The following SRBD1 variants were observed in gnomAD, a reference collection of about 807,000 sequenced individuals.
SRBD1 encodes the protein S1 RNA-binding domain-containing protein 1.
Under a neutral mutation model 115.3 loss-of-function variants are expected in SRBD1, and 88 were observed. The observed-to-expected ratio is 0.76, with a 90% confidence interval of 0.64 to 0.91. SRBD1 has a LOEUF of 0.91. Ranked by LOEUF, SRBD1 falls within the 40% of genes least tolerant of loss-of-function variation. The pLI is 0.00. For missense variants in SRBD1, 1,385 were observed against 1,177.4 expected, an observed-to-expected ratio of 1.18 and a Z score of -2.58; for synonymous variants, 509 against 407.7, an observed-to-expected ratio of 1.25 and a Z score of -2.99.
intron 14 of SRBD1, among the ~76,000 whole-genome samples, chr2:45,519,409 G>C (rs1393194298): frequency 6.6e-6 from 1 of 152,066 alleles, no homozygotes; most frequent in Non-Finnish European, 1.5e-5. Context: ...CTAAAGTAAA[G>C]AAACAAAAAG....
At chr2:45,524,995 G>A (rs971986918) in intron 14 of SRBD1, among the ~76,000 whole-genome samples, 14 of 151,834 alleles carry the variant, frequency 9.2e-5, no homozygotes, top group African/African-American at 1.7e-4. Flanking sequence ...ACATGTCTAC[G>A]GTCAACTGAT....
chr2:45,578,674 A>C (rs1384384271), intron 7 of SRBD1, among the ~76,000 whole-genome samples: 1 of 152,202 alleles, frequency 6.6e-6, no homozygotes, highest in East Asian at 1.9e-4. Context: ...TGGGATCCAC[A>C]GAAGGACAAA....
At chr2:45,550,555 A>G (rs1672264884) in intron 12 of SRBD1, among the ~76,000 whole-genome samples, 1 of 152,148 alleles carries the variant, frequency 6.6e-6, no homozygotes, top group African/African-American at 2.4e-5. Flanking sequence ...CTTGAATTCT[A>G]CACCAAGCAA....
chr2:45,435,760 T>A (rs1360836972), intron 16 of SRBD1, among the ~76,000 whole-genome samples: 1 of 152,106 alleles, frequency 6.6e-6, no homozygotes, highest in Non-Finnish European at 1.5e-5. Flanking sequence ...AGGATTACAC[T>A]ACCCCCACCC....
At chr2:45,525,577 T>C (rs1418120956) in intron 14 of SRBD1, among the ~76,000 whole-genome samples, 1 of 151,736 alleles carries the variant, frequency 6.6e-6, no homozygotes, top group Non-Finnish European at 1.5e-5. Context: ...ATGCTGAGAG[T>C]GGATATAAAG....
chr2:45,509,796 G>A (rs1006485652), intron 14 of SRBD1, among the ~76,000 whole-genome samples: 8 of 151,994 alleles, frequency 5.3e-5, no homozygotes, highest in African/African-American at 1.5e-4. Context: ...GTGCAGTGGC[G>A]CAGTCTCAGC....
At position 45,520,300 on chromosome 2, in the gene SRBD1, AGGAT is replaced by A. The variant is rs773909696; in HGVS notation, c.1874+26428_1874+26431del. Among the ~76,000 whole-genome samples, 66 of 152,304 alleles carry A rather than the reference AGGAT, an allele frequency of 4.3e-4. 1 individual carries two copies. Among genetic ancestry groups the A allele is most frequent in the Admixed American group, 2.0e-3 (31 of 15,288 alleles). On this transcript the variant is annotated intron_variant, in intron 14 of 20. Transcript: ENST00000263736. ...TAAAGCTATCAATCTGGTTCTAGTG[AGGAT>A]GATCCAGAAGAGACCCTCCTCCAAA...
intron 20 of SRBD1, among the ~76,000 whole-genome samples, chr2:45,390,623 T>C (rs1666969344): frequency 6.6e-6 from 1 of 152,166 alleles, no homozygotes; most frequent in African/African-American, 2.4e-5. Flanking sequence ...GATCTCCTTT[T>C]ACTAAGGCCT....
chr2:45,523,051 G>C (rs1382785139), intron 14 of SRBD1, among the ~76,000 whole-genome samples: 1 of 151,732 alleles, frequency 6.6e-6, no homozygotes, highest in African/African-American at 2.4e-5. Context: ...TGATATAAAG[G>C]ATACTCAACA....
chr2:45,462,610 G>A (rs1382963381), intron 16 of SRBD1, among the ~76,000 whole-genome samples: 5 of 149,684 alleles, frequency 3.3e-5, no homozygotes, highest in East Asian at 2.0e-4. Context: ...AGAGGAGATC[G>A]AAACCATCCT....
At chr2:45,607,199 T>A (rs1252828991) in intron 1 of SRBD1, among the ~76,000 whole-genome samples, 1 of 152,226 alleles carries the variant, frequency 6.6e-6, no homozygotes, top group Non-Finnish European at 1.5e-5. Context: ...CAGGTAATTG[T>A]GATTTTTATA....
At chr2:45,601,259 A>C (rs1183996617) in intron 3 of SRBD1, among the ~76,000 whole-genome samples, 4 of 152,240 alleles carry the variant, frequency 2.6e-5, no homozygotes, top group African/African-American at 7.2e-5. Flanking sequence ...ATGCTCATCA[A>C]GTAAATTTCT....
chr2:45,409,432 C>T (rs1372313099), intron 19 of SRBD1, among the ~76,000 whole-genome samples: 1 of 148,814 alleles, frequency 6.7e-6, no homozygotes, highest in Non-Finnish European at 1.5e-5. Context: ...GAACCATGGC[C>T]CAAAGTTGAG....
intron 19 of SRBD1, among the ~76,000 whole-genome samples, chr2:45,401,124 G>C (rs111410433): frequency 8.1e-4 from 123 of 152,208 alleles, no homozygotes; most frequent in African/African-American, 2.6e-3. Context: ...TTGGGAACTA[G>C]AGTAAGATGC....
rs1231900919 is a variant in SRBD1, at chr2:45,599,563, C to T, written c.534G>A (p.Gln178=). ...CAGTCTTGATTTTCTTTAAAGCGGA[C>T]TGACCAAATGTAAAGTCATCGTCAT... ...EENDDDFTFG[Q]SALKKIKTET... The change falls in exon 4 of 21, where the codon CAG becomes CAA. Residue 178 remains glutamine (Q), a synonymous_variant. Coordinates refer to ENST00000263736, the MANE Select transcript of SRBD1 (RefSeq NM_018079.5). 3 of 1,614,230 alleles carry T rather than the reference C, an allele frequency of 1.9e-6. No homozygotes were observed. Among genetic ancestry groups the T allele is most frequent in the African/African-American group, 1.3e-5 (1 of 75,058 alleles).
chr2:45,610,278 G>GA (rs1033125005), intron 1 of SRBD1, among the ~76,000 whole-genome samples: 7 of 151,270 alleles, frequency 4.6e-5, no homozygotes, highest in South Asian at 2.1e-4. Context: ...ATTAAAATTG[G>GA]AAAAAAAAAT....
intron 19 of SRBD1, among the ~76,000 whole-genome samples, chr2:45,398,721 T>C (rs1317225386): frequency 2.0e-5 from 3 of 150,370 alleles, no homozygotes; most frequent in Non-Finnish European, 3.0e-5. Flanking sequence ...TGATCATCTT[T>C]TCAGAAATAG....
intron 10 of SRBD1, among the ~76,000 whole-genome samples, chr2:45,558,415 C>T (rs1454889550): frequency 6.6e-6 from 1 of 152,302 alleles, no homozygotes; most frequent in East Asian, 1.9e-4. Flanking sequence ...ACTATTTCAG[C>T]ATCTAAAAAG....
At chr2:45,423,596 T>C (rs1668069049) in intron 16 of SRBD1, among the ~76,000 whole-genome samples, 1 of 152,060 alleles carries the variant, frequency 6.6e-6, no homozygotes, top group African/African-American at 2.4e-5. Context: ...AACCATACAG[T>C]TTCATTGGTG....
Sources: gnomAD v4.1 joint callset for allele counts (sites outside exome capture counted in the v4.1 genomes callset) on GRCh38, gnomAD v4.1.1 for gene constraint, MANE v1.5 for transcripts, NCBI Gene and HGNC (gene_info 2026-07-23, HGNC 2026-07-21) for gene names.